The following ANGPT2 variants were observed in gnomAD, a reference collection of about 807,000 sequenced individuals.
ANGPT2 encodes angiopoietin-2.
Under a neutral mutation model 62.9 loss-of-function variants are expected in ANGPT2, and 28 were observed. The ratio of observed to expected loss-of-function variants is 0.44; its 90% CI spans 0.33 to 0.61. The LOEUF is 0.61. Among genes scored for constraint, ANGPT2 ranks in the 20% least tolerant of loss-of-function variants. The pLI is 0.03. For synonymous variants in ANGPT2, 284 were observed against 207.8 expected (o/e 1.37, Z -3.15); for missense variants, 727 against 594.9 (o/e 1.22, Z -2.31).
At chr8:6,550,384 CCA>C (rs1298075699) in intron 1 of ANGPT2, among the ~76,000 whole-genome samples, 5 of 152,220 alleles carry the variant, frequency 3.3e-5, no homozygotes, top group African/African-American at 1.2e-4. Context: ...AGGGCTGCAC[CCA>C]GACACGTGCG....
At chr8:6,533,792 G>A (rs1397577929) in intron 1 of ANGPT2, among the ~76,000 whole-genome samples, 1 of 152,032 alleles carries the variant, frequency 6.6e-6, no homozygotes, top group East Asian at 1.9e-4. Context: ...AACCATTCGT[G>A]GAGTCAGTCA....
chr8:6,529,139 C>T (rs574818846), intron 2 of ANGPT2, among the ~76,000 whole-genome samples: 1 of 152,212 alleles, frequency 6.6e-6, no homozygotes, highest in Non-Finnish European at 1.5e-5. Context: ...TAACCATTTT[C>T]ACATCACTTT....
chr8:6,548,231 G>A (rs531975547), intron 1 of ANGPT2, among the ~76,000 whole-genome samples: 1 of 152,222 alleles, frequency 6.6e-6, no homozygotes, highest in South Asian at 2.1e-4. Flanking sequence ...CCTACGTGAA[G>A]GCTTTGTCCA....
At chr8:6,542,042 G>A (rs1008135872) in intron 1 of ANGPT2, among the ~76,000 whole-genome samples, 27 of 150,956 alleles carry the variant, frequency 1.8e-4, no homozygotes, top group Non-Finnish European at 3.2e-4. Context: ...AATGATAAAT[G>A]ATTACAAATA....
chr8:6,529,432 T>G (rs1271072889), intron 2 of ANGPT2, among the ~76,000 whole-genome samples: 2 of 151,544 alleles, frequency 1.3e-5, no homozygotes, highest in Non-Finnish European at 2.9e-5. Context: ...TTTGCGGCCT[T>G]CCTTAAGCTC....
chr8:6,522,773 CA>C (rs199503821), intron 3 of ANGPT2, among the ~76,000 whole-genome samples: 12,752 of 130,120 alleles, frequency 0.098, 933 homozygotes, highest in African/African-American at 0.21. Flanking sequence ...GACATCGTCT[CA>C]AAAAAAAAAA....
chr8:6,543,656 A>G (rs1443305824), intron 1 of ANGPT2, among the ~76,000 whole-genome samples: 1 of 152,142 alleles, frequency 6.6e-6, no homozygotes, highest in Non-Finnish European at 1.5e-5. Context: ...TTTTAATGTA[A>G]TGATTTCATA....
At chr8:6,545,981 T>C (rs1822515060) in intron 1 of ANGPT2, among the ~76,000 whole-genome samples, 1 of 152,224 alleles carries the variant, frequency 6.6e-6, no homozygotes, top group Admixed American at 6.5e-5. Context: ...ATTTGTGACA[T>C]TGGAAGCCAT....
intron 1 of ANGPT2, among the ~76,000 whole-genome samples, chr8:6,552,239 A>G (rs1348204594): frequency 6.6e-6 from 1 of 152,220 alleles, no homozygotes; most frequent in Non-Finnish European, 1.5e-5. Flanking sequence ...AACATGCAGA[A>G]GCAGCATTGC....
chr8:6,532,257 G>A, intron 2 of ANGPT2, 75 bp downstream of exon 2: 2 of 1,551,214 alleles, frequency 1.3e-6, no homozygotes, highest in Non-Finnish European at 1.8e-6. Context: ...TGCCTTCATT[G>A]AGGAAGCTCC....
Position 6,499,801 on chromosome 8 carries a change from C to G in ANGPT2, c.*3300G>C, listed in dbSNP as rs373751891. On this transcript the variant is annotated 3_prime_UTR_variant, in exon 9 of 9. Transcript: ENST00000629816. The stretch of plus-strand genomic sequence containing the variant: ...TTCAAAGTGATTCTTGGTTTATTGC[C>G]TGCTAAGGCTAATAAATGTATAATA... 2.0e-5 allele frequency: 31 copies of G among 1,534,772 alleles called. No homozygotes were observed. The highest frequency in any genetic ancestry group is 4.6e-4 in the Middle Eastern group (2 of 4,362).
rs2515465 is a variant in ANGPT2 at position 6,528,341 on chromosome 8, G to T, written c.445-665C>A. Among the ~76,000 whole-genome samples, 5 of 152,216 alleles carry T rather than the reference G, an allele frequency of 3.3e-5. No homozygotes were observed. The South Asian group carries it at 6.2e-4, about 19-fold the overall frequency. On this transcript the variant is annotated intron_variant, in intron 2 of 8. Coordinates refer to ENST00000629816, the MANE Select transcript of ANGPT2 (RefSeq NM_001118887.2). ...TATAAAATGGTCATATTTCATAGGT[G>T]GAAAGTATTTTCCCTTTGCCGAAAA... is the stretch of plus-strand genomic sequence containing the variant.
chr8:6,505,292 T>TA (rs1386240060), intron 8 of ANGPT2, among the ~76,000 whole-genome samples: 6,088 of 69,952 alleles, frequency 0.087, 877 homozygotes, highest in African/African-American at 0.16. Context: ...ATATGTTATA[T>TA]ACATATATAT....
At position 6,500,612 on chromosome 8, in the gene ANGPT2, C is replaced by G. The variant is rs1162534314; in HGVS notation, c.*2489G>C. ...GACTAAAACATAACAAGGAGTTGAA[C>G]TGTGCTCCCTGATCACTGTAGTTAT... On this transcript the variant is annotated 3_prime_UTR_variant, in exon 9 of 9. Transcript: ENST00000629816. 1.3e-5 allele frequency: 2 copies of G among 152,318 alleles called. No homozygotes were observed. The highest frequency in any genetic ancestry group is 2.9e-5 in the Non-Finnish European group (2 of 68,152). 9.4% of individuals were successfully genotyped at this position (152,318 alleles called of 1,614,324 possible).
At chr8:6,510,520 GGGCCA>G (rs1814831499) in intron 7 of ANGPT2, among the ~76,000 whole-genome samples, 1 of 152,158 alleles carries the variant, frequency 6.6e-6, no homozygotes, top group Non-Finnish European at 1.5e-5. Context: ...CCTGCTGGTC[GGGCCA>G]GGCCAGGTGC....
chr8:6,504,242 C>CCA (rs1563302877), intron 8 of ANGPT2, among the ~76,000 whole-genome samples: 1 of 134,898 alleles, frequency 7.4e-6, no homozygotes, highest in East Asian at 2.3e-4. Context: ...GGCGTGAACC[C>CCA]GGGAGGCGGA....
At chr8:6,556,685 T>A (rs191083191) in intron 1 of ANGPT2, among the ~76,000 whole-genome samples, 210 of 152,140 alleles carry the variant, frequency 1.4e-3, no homozygotes, top group African/African-American at 4.9e-3. Context: ...ACCATCATAG[T>A]TCACTGCAGC....
At chr8:6,550,007 ATTCGG>A (rs1823336905) in intron 1 of ANGPT2, among the ~76,000 whole-genome samples, 1 of 152,234 alleles carries the variant, frequency 6.6e-6, no homozygotes, top group Non-Finnish European at 1.5e-5. Context: ...CCAGGTGATC[ATTCGG>A]GGACGGGGGA....
rs1825762620 is a variant in ANGPT2 at position 6,562,826 on chromosome 8, G to T, written c.109C>A (p.Gln37Lys). Reference sequence around the variant, plus strand: ...AAAGTGTAGCTGCAGGACCCATGCTGGACCTGATATTGCTTCTTTCCTATG... The same window carrying T: ...AAAGTGTAGCTGCAGGACCCATGCTTGACCTGATATTGCTTCTTTCCTATG... ...DSIGKKQYQVQHGSCSYTFLL... is the reference protein window; with the variant it reads ...DSIGKKQYQVKHGSCSYTFLL... The change falls in exon 1 of 9, where the codon CAG (glutamine) becomes AAG (lysine). Residue 37 changes from glutamine (Q) to lysine (K), a missense_variant. By Grantham distance (53) the Gln-to-Lys change is moderately conservative (BLOSUM62 1). Coordinates refer to ENST00000629816, the MANE Select transcript of ANGPT2 (RefSeq NM_001118887.2). 1.2e-6 allele frequency: 2 copies of T among 1,613,626 alleles called. No individual in the cohort carries two copies. Among genetic ancestry groups the T allele is most frequent in the African/African-American group, 2.7e-5 (2 of 74,738 alleles).
Sources: allele counts gnomAD v4.1 joint callset (sites outside exome capture counted in the v4.1 genomes callset), GRCh38; gene constraint gnomAD v4.1.1; transcripts MANE v1.5; gene names NCBI Gene and HGNC (gene_info 2026-07-23, HGNC 2026-07-21).